The following PTPRM variants were observed in gnomAD, a reference collection of about 807,000 sequenced individuals.
PTPRM encodes the protein protein tyrosine phosphatase receptor type M, also known as receptor-type tyrosine-protein phosphatase mu.
PTPRM carries 47 observed loss-of-function variants against 186.7 expected under a neutral mutation model. The ratio of observed to expected loss-of-function variants is 0.25; its 90% CI spans 0.20 to 0.32. The LOEUF is 0.32. Among genes scored for constraint, PTPRM ranks in the 10% least tolerant of loss-of-function variants. The pLI, the probability that PTPRM is intolerant of heterozygous loss-of-function variation, is 1.00. For missense variants in PTPRM, 1,494 were observed against 1,865.0 expected (o/e 0.80, Z 3.66); for synonymous variants, 668 against 674.9 (o/e 0.99, Z 0.16).
At chr18:8,040,585 T>G (rs73385668) in intron 7 of PTPRM, among the ~76,000 whole-genome samples, 4,790 of 152,268 alleles carry the variant, frequency 0.031, 230 homozygotes, top group African/African-American at 0.11. Flanking sequence ...AAACTACAAG[T>G]GAGTTTCTTG....
chr18:7,659,556 T>G (rs994929074), intron 1 of PTPRM, among the ~76,000 whole-genome samples: 2 of 152,206 alleles, frequency 1.3e-5, no homozygotes, highest in Non-Finnish European at 2.9e-5. Context: ...CTTGCTTAAC[T>G]GACATTCCAG....
At chr18:7,699,877 T>G (rs2039923956) in intron 1 of PTPRM, among the ~76,000 whole-genome samples, 1 of 152,144 alleles carries the variant, frequency 6.6e-6, no homozygotes, top group Non-Finnish European at 1.5e-5. Flanking sequence ...CTGGAATTGG[T>G]TTTTGTGAAT....
At chr18:8,095,610 G>T (rs138543973) in intron 11 of PTPRM, among the ~76,000 whole-genome samples, 1 of 152,050 alleles carries the variant, frequency 6.6e-6, no homozygotes, top group Admixed American at 6.6e-5. Context: ...GTTAGAGGGC[G>T]TGCGGCCTCA....
At chr18:7,704,462 AGGTGTTTATAATAT>A (rs1356160967) in intron 1 of PTPRM, among the ~76,000 whole-genome samples, 1 of 152,114 alleles carries the variant, frequency 6.6e-6, no homozygotes, top group Non-Finnish European at 1.5e-5. Flanking sequence ...ATTTGCGTAG[AGGTGTTTATAATAT>A]TCTCTGATGG....
chr18:7,868,475 G>C (rs1349719022), intron 2 of PTPRM, among the ~76,000 whole-genome samples: 2 of 152,200 alleles, frequency 1.3e-5, no homozygotes, highest in African/African-American at 4.8e-5. Flanking sequence ...GTCTGCTGGA[G>C]TTTACTGGAG....
intron 2 of PTPRM, among the ~76,000 whole-genome samples, chr18:7,800,716 C>T (rs973049303): frequency 6.6e-6 from 1 of 152,126 alleles, no homozygotes; most frequent in Non-Finnish European, 1.5e-5. Context: ...ATTGTTCAGG[C>T]AGTTCTATCC....
intron 19 of PTPRM, among the ~76,000 whole-genome samples, chr18:8,269,101 T>C (rs982999480): frequency 3.3e-5 from 5 of 151,946 alleles, no homozygotes; most frequent in South Asian, 4.1e-4. Flanking sequence ...GGCATCCAAA[T>C]TGGAAAGGAA....
chr18:8,218,822 G>T (rs1049670790), intron 14 of PTPRM, among the ~76,000 whole-genome samples: 1 of 152,224 alleles, frequency 6.6e-6, no homozygotes, highest in African/African-American at 2.4e-5. Context: ...TGCCCCCAAA[G>T]AATAAGTTGA....
chr18:7,700,180 G>A (rs1432339988), intron 1 of PTPRM, among the ~76,000 whole-genome samples: 1 of 152,162 alleles, frequency 6.6e-6, no homozygotes, highest in African/African-American at 2.4e-5. Context: ...ATTTTATAGA[G>A]ATAAATATGT....
chr18:8,391,295 A>G (rs1335333064), intron 31 of PTPRM, among the ~76,000 whole-genome samples: 1 of 152,238 alleles, frequency 6.6e-6, no homozygotes, highest in Non-Finnish European at 1.5e-5. Flanking sequence ...CTACCAAAAG[A>G]TAAGCTTATC....
chr18:7,597,406 T>C (rs2082736654), intron 1 of PTPRM, among the ~76,000 whole-genome samples: 1 of 152,138 alleles, frequency 6.6e-6, no homozygotes, highest in Admixed American at 6.5e-5. Flanking sequence ...ATCAATATTG[T>C]CATGGGAGGT....
chr18:7,684,136 G>GT (rs1172353069), intron 1 of PTPRM, among the ~76,000 whole-genome samples: 2 of 151,786 alleles, frequency 1.3e-5, no homozygotes, highest in African/African-American at 4.8e-5. Flanking sequence ...CTCCTATTCT[G>GT]TTTTTTCAGT....
At chr18:8,038,380 ATTT>A (rs10708528) in intron 7 of PTPRM, among the ~76,000 whole-genome samples, 26 of 124,366 alleles carry the variant, frequency 2.1e-4, no homozygotes, top group African/African-American at 4.6e-4. Flanking sequence ...TAGCTTTTAG[ATTT>A]TTTTTTTTTT....
chr18:7,852,262 A>G (rs1005569064), intron 2 of PTPRM, among the ~76,000 whole-genome samples: 2 of 152,178 alleles, frequency 1.3e-5, no homozygotes, highest in African/African-American at 4.8e-5. Flanking sequence ...ATAAATATGA[A>G]GATATAGAAA....
intron 7 of PTPRM, among the ~76,000 whole-genome samples, chr18:8,068,863 GC>G (rs2089270663): frequency 6.6e-6 from 1 of 152,094 alleles, no homozygotes; most frequent in African/African-American, 2.4e-5. Context: ...ACTTTGGGAG[GC>G]CAAGGCAGGC....
intron 7 of PTPRM, among the ~76,000 whole-genome samples, chr18:7,960,879 A>G (rs1409458254): frequency 6.6e-6 from 1 of 152,142 alleles, no homozygotes; most frequent in East Asian, 1.9e-4. Context: ...GTAGGAGATG[A>G]TATTTTTTAT....
chr18:7,667,749 CT>C (rs1009739548), intron 1 of PTPRM, among the ~76,000 whole-genome samples: 16 of 149,814 alleles, frequency 1.1e-4, no homozygotes, highest in African/African-American at 2.2e-4. Context: ...ATGGAAGTCA[CT>C]TTTTTTTTTC....
chr18:7,678,708 C>T (rs1269351690), intron 1 of PTPRM, among the ~76,000 whole-genome samples: 1 of 152,158 alleles, frequency 6.6e-6, no homozygotes, highest in African/African-American at 2.4e-5. Context: ...TTTCGTATTT[C>T]AGAATATCTT....
intron 4 of PTPRM, among the ~76,000 whole-genome samples, chr18:7,925,285 G>A (rs1369791976): frequency 1.3e-5 from 2 of 152,182 alleles, no homozygotes; most frequent in African/African-American, 4.8e-5. Context: ...AGAAACAATG[G>A]TCCATGGTTA....
Sources: gnomAD v4.1 joint callset for allele counts (sites outside exome capture counted in the v4.1 genomes callset) on GRCh38, gnomAD v4.1.1 for gene constraint, MANE v1.5 for transcripts, NCBI Gene and HGNC (gene_info 2026-07-23, HGNC 2026-07-21) for gene names.